The following CARMIL1 variants were observed in gnomAD, a reference collection of about 807,000 sequenced individuals.
The protein encoded by CARMIL1 is F-actin-uncapping protein LRRC16A.
CARMIL1 carries 90 observed loss-of-function variants against 177.1 expected under a neutral mutation model. That is an observed-to-expected ratio of 0.51 (90% CI 0.43 to 0.61). The LOEUF (loss-of-function observed/expected upper bound fraction) is 0.61. CARMIL1 is among the 20% of genes least tolerant of loss of function. The pLI, the probability that CARMIL1 is intolerant of heterozygous loss-of-function variation, is 0.00. For missense variants in CARMIL1, 1,380 were observed against 1,667.0 expected, an observed-to-expected ratio of 0.83 and a Z score of 3.00; for synonymous variants, 577 against 606.2, an observed-to-expected ratio of 0.95 and a Z score of 0.71.
At chr6:25,432,943 A>G (rs1227952511) in intron 4 of CARMIL1, 1 of 152,340 alleles carries the variant, frequency 6.6e-6, no homozygotes, top group East Asian at 1.9e-4. Flanking sequence ...CATGGGTTAT[A>G]TCCTGCTAGG....
intron 12 of CARMIL1, among the ~76,000 whole-genome samples, chr6:25,485,263 C>T (rs1456852746): frequency 6.6e-6 from 1 of 152,106 alleles, no homozygotes; most frequent in Non-Finnish European, 1.5e-5. Context: ...TGGGCTTCTC[C>T]ACCTCCTTAC....
rs539562037 is a variant in CARMIL1, at chr6:25,613,726, G to A, written c.3979+3545G>A. Among the ~76,000 whole-genome samples the A allele has an allele frequency of 3.6e-3, 552 of 152,280 alleles. 2 individuals are homozygous for A. Among genetic ancestry groups the A allele is most frequent in the African/African-American group, 0.013 (542 of 41,542 alleles). ...CAAAAATCCGTTAAAGGAAATCTTA[G>A]TATCTGTAAGGAATATAACATATTC... On this transcript the variant is annotated intron_variant, in intron 36 of 36. Coordinates refer to ENST00000329474, the MANE Select transcript of CARMIL1 (RefSeq NM_017640.6).
intron 27 of CARMIL1, among the ~76,000 whole-genome samples, chr6:25,552,325 T>A (rs574364173): frequency 2.0e-5 from 3 of 152,180 alleles, no homozygotes; most frequent in Non-Finnish European, 2.9e-5. Context: ...CAGCCACAAA[T>A]AGATCATATT....
Position 25,600,596 on chromosome 6 carries a change from G to T in CARMIL1, c.3402G>T (p.Glu1134Asp). Reference protein sequence around the residue: ...EEIKTPDSFEESQGEEIGKVE... With the variant: ...EEIKTPDSFEDSQGEEIGKVE... ...TAAAAACACCTGACTCCTTTGAAGAGAGTCAAGGGGAAGAAATAGGGAAGG... is the reference window on the plus strand; with the variant it reads ...TAAAAACACCTGACTCCTTTGAAGATAGTCAAGGGGAAGAAATAGGGAAGG... The change falls in exon 33 of 37, where the codon GAG becomes GAT. Residue 1134 changes from glutamate (E) to aspartate (D), a missense_variant. Transcript: ENST00000329474. 1 of 1,613,992 alleles carries T rather than the reference G, an allele frequency of 6.2e-7. No individual in the cohort carries two copies. The highest frequency in any genetic ancestry group is 1.3e-5 in the African/African-American group (1 of 75,046).
At chr6:25,311,580 T>C (rs1783824330) in intron 2 of CARMIL1, among the ~76,000 whole-genome samples, 1 of 152,162 alleles carries the variant, frequency 6.6e-6, no homozygotes, top group South Asian at 2.1e-4. Context: ...CTGTAAAAGC[T>C]GTTAAGCCCC....
At chr6:25,431,690 G>A (rs1326850482) in intron 4 of CARMIL1, among the ~76,000 whole-genome samples, 1 of 151,964 alleles carries the variant, frequency 6.6e-6, no homozygotes, top group Non-Finnish European at 1.5e-5. Flanking sequence ...AAAGAGTGTT[G>A]ATGCAGCAAG....
chr6:25,520,146 T>C (rs1190692572), intron 22 of CARMIL1, 98 bp from the exon 23 acceptor site: 1 of 609,740 alleles, frequency 1.6e-6, no homozygotes, highest in East Asian at 2.8e-5. Context: ...TCTAAGCTAC[T>C]CTTGCAGCTA....
chr6:25,485,123 A>G (rs550145995), intron 12 of CARMIL1, among the ~76,000 whole-genome samples: 1 of 152,274 alleles, frequency 6.6e-6, no homozygotes, highest in East Asian at 1.9e-4. Flanking sequence ...CTATATAACA[A>G]ATAAAAGGAT....
chr6:25,500,751 CTA>C (rs995541801), intron 17 of CARMIL1, among the ~76,000 whole-genome samples: 36 of 151,960 alleles, frequency 2.4e-4, no homozygotes, highest in African/African-American at 8.2e-4. Flanking sequence ...ACTAAAGTGT[CTA>C]TATATTTATA....
chr6:25,503,830 G>A (rs572945492), intron 17 of CARMIL1, among the ~76,000 whole-genome samples: 23 of 152,144 alleles, frequency 1.5e-4, no homozygotes, highest in Non-Finnish European at 3.2e-4. Flanking sequence ...GACTTACTCA[G>A]GATGAGGAGC....
chr6:25,619,691 T>C lies in CARMIL1; in HGVS notation c.*108T>C, dbSNP rs560215984. On this transcript the variant is annotated 3_prime_UTR_variant, in exon 37 of 37. Transcript: ENST00000329474. The stretch of plus-strand genomic sequence containing the variant: ...AGGCGTTCTTCTCTGGGTGCTTTAT[T>C]CTCTTCTTTTTCTTTATTTCGCCCC... 1.0e-5 allele frequency: 12 copies of C among 1,182,270 alleles called. No individual in the cohort carries two copies. The East Asian group carries it at 3.4e-4, about 33-fold the overall frequency. 73.2% of individuals were successfully genotyped at this position (1,182,270 alleles called of 1,614,324 possible). A position where few individuals can be genotyped will look rare whatever the true frequency, so the allele number is the denominator to read the frequency against.
At chr6:25,548,750 G>T (rs1809772691) in intron 26 of CARMIL1, among the ~76,000 whole-genome samples, 1 of 152,240 alleles carries the variant, frequency 6.6e-6, no homozygotes, top group African/African-American at 2.4e-5. Flanking sequence ...ACATTCTTTT[G>T]GATACTGATC....
At chr6:25,420,356 C>T in intron 3 of CARMIL1, 192 bp downstream of exon 3, 1 of 593,106 alleles carries the variant, frequency 1.7e-6, no homozygotes, top group Non-Finnish European at 3.0e-6. Context: ...TCAAGTTTTC[C>T]TTCCTTCTTC....
chr6:25,586,819 C>G (rs1165076587), intron 31 of CARMIL1, among the ~76,000 whole-genome samples: 1 of 151,960 alleles, frequency 6.6e-6, no homozygotes. Flanking sequence ...TCAGGCGTGG[C>G]GGCGCGCGCC....
Position 25,509,576 on chromosome 6 carries a change from GTCTC to G in CARMIL1, c.1396-77_1396-74del. Reference sequence around the variant, plus strand: ...TACTAAGTTTATTTTAAGACTGACTGTCTCTCCTATTTTTAATTTTTTGATTACA... The same window carrying G: ...TACTAAGTTTATTTTAAGACTGACTGTCCTATTTTTAATTTTTTGATTACA... On this transcript the variant is annotated intron_variant, in intron 17 of 36. Transcript: ENST00000329474. This position sits in a 1 kb window ranked among gnomAD's most constrained non-coding sequence, Gnocchi z 4.1. The G allele has an allele frequency of 1.1e-6, 1 of 878,414 alleles. No homozygotes were observed. The allele number at this position is 878,414 out of a possible 1,614,324, so 54.4% of individuals were successfully genotyped here. A position where few individuals can be genotyped will look rare whatever the true frequency, so the allele number is the denominator to read the frequency against.
At chr6:25,331,117 A>G (rs1785587090) in intron 2 of CARMIL1, among the ~76,000 whole-genome samples, 2 of 152,162 alleles carry the variant, frequency 1.3e-5, no homozygotes, top group South Asian at 4.1e-4. Flanking sequence ...GAGGAAGTTG[A>G]GGATTGAAGT....
At chr6:25,409,981 A>G (rs1262064001) in intron 2 of CARMIL1, among the ~76,000 whole-genome samples, 1 of 152,068 alleles carries the variant, frequency 6.6e-6, no homozygotes, top group Non-Finnish European at 1.5e-5. Context: ...ATTACCCCAA[A>G]TCTTATATTC....
intron 2 of CARMIL1, among the ~76,000 whole-genome samples, chr6:25,411,737 G>T (rs1225827877): frequency 1.3e-5 from 2 of 152,200 alleles, no homozygotes; most frequent in Non-Finnish European, 2.9e-5. Flanking sequence ...GTTAGAGTAC[G>T]TAGATTTCCT....
intron 36 of CARMIL1, among the ~76,000 whole-genome samples, chr6:25,610,698 G>A (rs1816438063): frequency 1.3e-5 from 2 of 152,130 alleles, no homozygotes; most frequent in African/African-American, 2.4e-5. Flanking sequence ...ACATTCTCAG[G>A]GCGACCCTGC....
Sources: gnomAD v4.1 joint callset for allele counts (sites outside exome capture counted in the v4.1 genomes callset) on GRCh38, gnomAD v4.1.1 for gene constraint, Gnocchi (gnomAD v3.1) non-coding constraint, MANE v1.5 for transcripts, NCBI Gene and HGNC (gene_info 2026-07-23, HGNC 2026-07-21) for gene names.